CSMD3: variants seen among roughly 807,000 people sequenced by gnomAD.
The protein encoded by CSMD3 is CUB and Sushi multiple domains 3, also known as CUB and sushi domain-containing protein 3.
In CSMD3, 177 loss-of-function variants were observed where a neutral mutation model predicts 435.2. That is an observed-to-expected ratio of 0.41 (90% CI 0.36 to 0.46). CSMD3 has a LOEUF of 0.46. Ranked by LOEUF, CSMD3 falls within the 20% of genes least tolerant of loss-of-function variation. The probability of loss-of-function intolerance (pLI) is 0.34; values close to 1 mark genes in which losing one functional copy is unlikely to be tolerated. For synonymous variants in CSMD3, 1,656 were observed against 1,520.5 expected, an observed-to-expected ratio of 1.09 and a Z score of -2.07; for missense variants, 4,265 against 4,504.6, an observed-to-expected ratio of 0.95 and a Z score of 1.52.
intron 10 of CSMD3, among the ~76,000 whole-genome samples, chr8:112,903,590 C>T (rs913964994): frequency 2.7e-5 from 4 of 150,520 alleles, no homozygotes; most frequent in African/African-American, 9.8e-5. Context: ...TCAGAATTAC[C>T]CCTGGAGCCT....
At chr8:113,302,261 AT>A (rs1240394324) in intron 2 of CSMD3, among the ~76,000 whole-genome samples, 9 of 119,486 alleles carry the variant, frequency 7.5e-5, no homozygotes, top group South Asian at 2.3e-4. Context: ...ATTATATAAA[AT>A]ATATATAATA....
At chr8:112,875,007 T>C (rs1221734985) in intron 10 of CSMD3, among the ~76,000 whole-genome samples, 1 of 152,188 alleles carries the variant, frequency 6.6e-6, no homozygotes, top group Non-Finnish European at 1.5e-5. Flanking sequence ...AGTTTCTTCA[T>C]AGTGTCGATG....
At position 112,648,124 on chromosome 8, in the gene CSMD3, G is replaced by T. The variant is rs1015368208; in HGVS notation, c.3193+2037C>A. Among the ~76,000 whole-genome samples, 3 of 152,148 alleles carry T rather than the reference G, an allele frequency of 2.0e-5. No individual in the cohort carries two copies. In the South Asian group the frequency reaches 6.2e-4, roughly 32 times the overall value. The stretch of plus-strand genomic sequence containing the variant: ...GGTCAATCAAGTTTACATTCTTGGA[G>T]CAGGGCAAGAAATTCTGTTTGTCTG... On this transcript the variant is annotated intron_variant, in intron 19 of 70. Transcript: ENST00000297405.
chr8:113,318,786 A>ATGTGTGTGTGTGTGTGTGTGTGTGTG (rs56269027), intron 1 of CSMD3, among the ~76,000 whole-genome samples: 78 of 140,148 alleles, frequency 5.6e-4, no homozygotes, highest in Non-Finnish European at 8.3e-4. Context: ...GCTGAATAAG[A>ATGTGTGTGTGTGTGTGTGTGTGTGTG]TGTGTGTGTG....
chr8:112,551,687 G>A (rs1280166660), intron 26 of CSMD3, among the ~76,000 whole-genome samples: 1 of 152,112 alleles, frequency 6.6e-6, no homozygotes. Context: ...GGATGATATA[G>A]TGTAGTCTAT....
chr8:113,164,399 G>A (rs2092108858), intron 4 of CSMD3, among the ~76,000 whole-genome samples: 1 of 148,702 alleles, frequency 6.7e-6, no homozygotes, highest in Admixed American at 6.7e-5. Flanking sequence ...AAATTGCCTT[G>A]GTCAAAATAT....
chr8:112,788,134 A>G (rs2078598660), intron 13 of CSMD3, among the ~76,000 whole-genome samples: 1 of 152,248 alleles, frequency 6.6e-6, no homozygotes, highest in South Asian at 2.1e-4. Context: ...AGTCTCTTTC[A>G]GCTCCAATGT....
chr8:112,799,295 C>G (rs1051150844), intron 13 of CSMD3, among the ~76,000 whole-genome samples: 3 of 151,724 alleles, frequency 2.0e-5, no homozygotes, highest in African/African-American at 7.3e-5. Flanking sequence ...AAAAGCATGA[C>G]AGTGTTTGTA....
At chr8:112,439,765 G>T (rs1337000931) in intron 32 of CSMD3, among the ~76,000 whole-genome samples, 2 of 151,952 alleles carry the variant, frequency 1.3e-5, no homozygotes, top group Non-Finnish European at 2.9e-5. Context: ...GGGGGAAAAG[G>T]TCCCTCACCA....
chr8:112,818,238 C>T (rs1339694481), intron 12 of CSMD3, among the ~76,000 whole-genome samples: 1 of 151,874 alleles, frequency 6.6e-6, no homozygotes, highest in Non-Finnish European at 1.5e-5. Flanking sequence ...TGTTCCATAA[C>T]ATGTTAAATA....
chr8:112,263,608 A>T (rs1482383476), intron 61 of CSMD3, 31 bp downstream of exon 61: 1 of 1,601,990 alleles, frequency 6.2e-7, no homozygotes, highest in South Asian at 1.1e-5. Context: ...GAAAATTTTA[A>T]GTAACAGTTG....
intron 13 of CSMD3, among the ~76,000 whole-genome samples, chr8:112,778,950 A>G (rs2078311428): frequency 6.6e-6 from 1 of 151,884 alleles, no homozygotes. Flanking sequence ...ACATATTTTC[A>G]TATGTTTAAT....
intron 5 of CSMD3, among the ~76,000 whole-genome samples, chr8:113,065,409 C>T (rs2088808680): frequency 1.3e-5 from 2 of 151,836 alleles, no homozygotes; most frequent in African/African-American, 2.4e-5. Flanking sequence ...GTTTTTCAGA[C>T]GGAGTCTCGC....
intron 9 of CSMD3, among the ~76,000 whole-genome samples, chr8:112,942,628 A>G (rs745511201): frequency 2.0e-5 from 3 of 151,706 alleles, no homozygotes; most frequent in African/African-American, 4.8e-5. Flanking sequence ...CCAAATACCA[A>G]GTGTTCTCAC....
intron 13 of CSMD3, among the ~76,000 whole-genome samples, chr8:112,791,687 T>G (rs1015949836): frequency 6.6e-6 from 1 of 152,148 alleles, no homozygotes; most frequent in African/African-American, 2.4e-5. Context: ...AAATCTACTA[T>G]GTATATTCTC....
At chr8:113,214,073 A>G (rs901501907) in intron 3 of CSMD3, among the ~76,000 whole-genome samples, 2 of 152,066 alleles carry the variant, frequency 1.3e-5, no homozygotes, top group African/African-American at 4.8e-5. Flanking sequence ...ATTAAGTGAC[A>G]GGATAAAAAT....
Position 112,859,130 on chromosome 8 carries a change from ATGG to A in CSMD3, c.1755+12_1755+14del. On this transcript the variant is annotated intron_variant, in intron 11 of 70. Transcript: ENST00000297405. ...TTATGACTTTTTTTTTAAATCACAGATGGTGTTCTCTTACCTTATTTGTATTCA... is the reference window on the plus strand; with the variant it reads ...TTATGACTTTTTTTTTAAATCACAGATGTTCTCTTACCTTATTTGTATTCA... 1 of 1,606,668 alleles carries A rather than the reference ATGG, an allele frequency of 6.2e-7. No individual in the cohort carries two copies. The highest frequency in any genetic ancestry group is 8.5e-7 in the Non-Finnish European group (1 of 1,174,054).
At chr8:112,777,257 A>G (rs1454792006) in intron 13 of CSMD3, among the ~76,000 whole-genome samples, 1 of 151,930 alleles carries the variant, frequency 6.6e-6, no homozygotes, top group Non-Finnish European at 1.5e-5. Flanking sequence ...ATAATTTCAC[A>G]GAACACAAAC....
chr8:113,186,156 T>C (rs2092497888), intron 3 of CSMD3, among the ~76,000 whole-genome samples: 1 of 152,038 alleles, frequency 6.6e-6, no homozygotes, highest in African/African-American at 2.4e-5. Context: ...AAAAGGGTTC[T>C]GCATGGCCAT....
Sources: allele counts gnomAD v4.1 joint callset (sites outside exome capture counted in the v4.1 genomes callset), GRCh38; gene constraint gnomAD v4.1.1; transcripts MANE v1.5; gene names NCBI Gene and HGNC (gene_info 2026-07-23, HGNC 2026-07-21).